YTHDC2: variants seen among roughly 807,000 people sequenced by gnomAD.
The protein encoded by YTHDC2 is YTH N6-methyladenosine RNA binding protein C2, also known as 3'-5' RNA helicase YTHDC2.
YTHDC2 carries 45 observed loss-of-function variants against 174.9 expected under a neutral mutation model. The ratio of observed to expected loss-of-function variants is 0.26; its 90% CI spans 0.20 to 0.33. The LOEUF is 0.33. YTHDC2 is among the 10% of genes least tolerant of loss of function. The probability of loss-of-function intolerance (pLI) is 1.00; values close to 1 mark genes in which losing one functional copy is unlikely to be tolerated. For missense variants in YTHDC2, 1,650 were observed against 1,723.7 expected, an observed-to-expected ratio of 0.96 and a Z score of 0.76; for synonymous variants, 657 against 574.5, an observed-to-expected ratio of 1.14 and a Z score of -2.05.
Position 113,553,854 on chromosome 5 carries a change from A to G in YTHDC2, c.2052A>G (p.Ile684Met). ...LKNPPAGVRK[I>M]ILSTNIAETS... ...ACCCACCTGCAGGTGTTCGAAAAAT[A>G]GTAAGCTTCATAAAATCTTCTTTTT... The change falls in exon 15 of 30, where the codon ATA becomes ATG. Residue 684 changes from isoleucine (I) to methionine (M), a missense_variant and splice_region_variant. Ile to Met is a conservative substitution (Grantham distance 10). Around this residue, in one of 5 missense-constraint regions of YTHDC2, gnomAD observed 913 missense variants for 940.4 expected, o/e 0.97. Coordinates refer to ENST00000161863, the MANE Select transcript of YTHDC2 (RefSeq NM_022828.5). 15 of 1,591,932 alleles carry G rather than the reference A, an allele frequency of 9.4e-6. No homozygotes were observed. Among genetic ancestry groups the G allele is most frequent in the African/African-American group, 1.5e-5 (1 of 66,336 alleles).
chr5:113,545,355 CTTTTT>C (rs869159888), intron 10 of YTHDC2, among the ~76,000 whole-genome samples: 4 of 115,616 alleles, frequency 3.5e-5, no homozygotes, highest in South Asian at 6.3e-4. Flanking sequence ...GCTCATTATT[CTTTTT>C]TGTTTTGTTT....
chr5:113,541,806 C>G (rs1339922326), intron 9 of YTHDC2, among the ~76,000 whole-genome samples: 1 of 151,612 alleles, frequency 6.6e-6, no homozygotes, highest in Non-Finnish European at 1.5e-5. Flanking sequence ...GATATATATC[C>G]TATATGTTTA....
chr5:113,542,025 TAAA>T (rs1029563915), intron 9 of YTHDC2, among the ~76,000 whole-genome samples: 2 of 152,244 alleles, frequency 1.3e-5, no homozygotes, highest in African/African-American at 4.8e-5. Context: ...GCATCAGTAT[TAAA>T]AAGCTCCAGG....
rs1225457252 is a variant in YTHDC2 at position 113,538,820 on chromosome 5, C to A, written c.1103-254C>A. Among the ~76,000 whole-genome samples the A allele has an allele frequency of 2.0e-5, 3 of 152,056 alleles. No homozygotes were observed. In the East Asian group the frequency reaches 5.8e-4, roughly 29 times the overall value. On this transcript the variant is annotated intron_variant, in intron 7 of 29. Coordinates refer to ENST00000161863, the MANE Select transcript of YTHDC2 (RefSeq NM_022828.5). ...CCTCTTACAATTTCTACTTATAATA[C>A]AAATGATATTGATGCCAGACACATG...
At chr5:113,568,863 G>A (rs1028206744) in intron 23 of YTHDC2, among the ~76,000 whole-genome samples, 9 of 152,102 alleles carry the variant, frequency 5.9e-5, no homozygotes, top group Admixed American at 2.6e-4. Context: ...ATAATAGAAT[G>A]ATTTATATTC....
Position 113,553,207 on chromosome 5 carries a change from A to G in YTHDC2, c.1715A>G (p.Asp572Gly), listed in dbSNP as rs759754140. The G allele has an allele frequency of 1.6e-5, 24 of 1,502,010 alleles. No homozygotes were observed. Among genetic ancestry groups the G allele is most frequent in the Admixed American group, 4.8e-5 (2 of 41,600 alleles). 93.0% of individuals were successfully genotyped at this position (1,502,010 alleles called of 1,614,324 possible). A position where few individuals can be genotyped will look rare whatever the true frequency, so the allele number is the denominator to read the frequency against. ...YSATLEFGNL[D>G]ESSLVQTNGS... ...GCTACACTGGAATTTGGAAATCTAG[A>G]TGAAAGTTCTCTGGTTCAAACAAAT... The change falls in exon 13 of 30, where the codon GAT becomes GGT. Residue 572 changes from aspartate (D) to glycine (G), a missense_variant. By Grantham distance (94) the Asp-to-Gly change is moderately conservative. Coordinates refer to ENST00000161863, the MANE Select transcript of YTHDC2 (RefSeq NM_022828.5).
intron 17 of YTHDC2, among the ~76,000 whole-genome samples, chr5:113,559,724 A>T (rs1776835812): frequency 6.6e-6 from 1 of 152,202 alleles, no homozygotes; most frequent in South Asian, 2.1e-4. Context: ...AACTGCAGAC[A>T]AGAGCAGAGC....
intron 4 of YTHDC2, among the ~76,000 whole-genome samples, chr5:113,527,011 T>C (rs937326871): frequency 4.9e-4 from 75 of 152,136 alleles, no homozygotes; most frequent in Non-Finnish European, 8.1e-4. Context: ...AATTTACTTA[T>C]TTTTAAACTA....
At chr5:113,514,518 G>A (rs1054303155) in intron 1 of YTHDC2, among the ~76,000 whole-genome samples, 1 of 152,158 alleles carries the variant, frequency 6.6e-6, no homozygotes, top group Non-Finnish European at 1.5e-5. Flanking sequence ...GAAGCATCAC[G>A]CTACCCACTT....
At chr5:113,573,245 A>G (rs1777844068) in intron 23 of YTHDC2, among the ~76,000 whole-genome samples, 1 of 152,184 alleles carries the variant, frequency 6.6e-6, no homozygotes, top group Admixed American at 6.5e-5. Context: ...TTGGCTGGAT[A>G]TGAAATTCTG....
At chr5:113,548,710 C>T (rs1031171090) in intron 11 of YTHDC2, 43 bp downstream of exon 11, 12 of 1,525,696 alleles carry the variant, frequency 7.9e-6, no homozygotes, top group Non-Finnish European at 9.6e-6. Context: ...CTTTGTATAG[C>T]TACACATATC....
chr5:113,529,189 C>T (rs1475651251), intron 4 of YTHDC2, among the ~76,000 whole-genome samples: 1 of 152,146 alleles, frequency 6.6e-6, no homozygotes, highest in Middle Eastern at 3.2e-3. Flanking sequence ...AGAGTTGTCT[C>T]ATTTCAGCTT....
intron 23 of YTHDC2, among the ~76,000 whole-genome samples, chr5:113,570,314 C>G (rs1390936675): frequency 6.6e-6 from 1 of 152,100 alleles, no homozygotes; most frequent in Non-Finnish European, 1.5e-5. Flanking sequence ...GCAGGGTGAT[C>G]TTGAACTCCA....
intron 18 of YTHDC2, among the ~76,000 whole-genome samples, chr5:113,563,065 A>G (rs1395656658): frequency 2.4e-4 from 23 of 95,162 alleles, no homozygotes; most frequent in Admixed American, 2.1e-3. Flanking sequence ...AAAGGGGGGA[A>G]AAGATTTTTT....
intron 23 of YTHDC2, among the ~76,000 whole-genome samples, chr5:113,571,750 GT>G (rs1245793477): frequency 3.9e-5 from 6 of 152,100 alleles, no homozygotes; most frequent in African/African-American, 1.2e-4. Context: ...AGATTTTCTA[GT>G]TTATTTGCAT....
intron 4 of YTHDC2, among the ~76,000 whole-genome samples, chr5:113,531,892 G>A (rs907994577): frequency 3.9e-5 from 6 of 152,094 alleles, no homozygotes; most frequent in African/African-American, 1.4e-4. Flanking sequence ...AGTATAAATT[G>A]TTTTGGGGAG....
chr5:113,514,520 T>C (rs1446548766), intron 1 of YTHDC2, among the ~76,000 whole-genome samples: 2 of 152,232 alleles, frequency 1.3e-5, no homozygotes, highest in South Asian at 4.1e-4. Flanking sequence ...AGCATCACGC[T>C]ACCCACTTAA....
chr5:113,528,690 G>C (rs1774452381), intron 4 of YTHDC2, among the ~76,000 whole-genome samples: 1 of 152,048 alleles, frequency 6.6e-6, no homozygotes, highest in African/African-American at 2.4e-5. Flanking sequence ...TAAATTTTTT[G>C]TAGAGACGAG....
intron 11 of YTHDC2, 59 bp from the exon 12 acceptor site, chr5:113,548,896 C>T (rs560846400): frequency 6.0e-6 from 9 of 1,511,416 alleles, no homozygotes; most frequent in African/African-American, 5.6e-5. Context: ...TGCCCAGGCT[C>T]ATCATGAACT....
Sources: gnomAD v4.1 joint callset for allele counts (sites outside exome capture counted in the v4.1 genomes callset) on GRCh38, gnomAD v4.1.1 for gene constraint, gnomAD v4.1.1 regional missense constraint, MANE v1.5 for transcripts, NCBI Gene and HGNC (gene_info 2026-07-23, HGNC 2026-07-21) for gene names.